ZNF516: variants seen among roughly 807,000 people sequenced by gnomAD.
ZNF516 encodes the protein zinc finger protein 516.
A neutral mutation model predicts 79.7 loss-of-function variants in ZNF516; 19 were observed. That is an observed-to-expected ratio of 0.24 (90% CI 0.17 to 0.35). ZNF516 has a LOEUF of 0.35. Ranked by LOEUF, ZNF516 falls within the 10% of genes least tolerant of loss-of-function variation. The probability of loss-of-function intolerance (pLI) is 1.00; values close to 1 mark genes in which losing one functional copy is unlikely to be tolerated. For synonymous variants in ZNF516, 877 were observed against 739.5 expected (o/e 1.19, Z -3.02); for missense variants, 1,678 against 1,679.5 (o/e 1.00, Z 0.02).
chr18:76,377,315 C>A (rs1240075612), intron 4 of ZNF516, among the ~76,000 whole-genome samples: 1 of 152,390 alleles, frequency 6.6e-6, no homozygotes, highest in African/African-American at 2.4e-5. Flanking sequence ...ACGGCCTCAT[C>A]CTAAAAAGTT....
intron 3 of ZNF516, among the ~76,000 whole-genome samples, chr18:76,398,872 C>T (rs1964172281): frequency 6.6e-6 from 1 of 152,058 alleles, no homozygotes; most frequent in African/African-American, 2.4e-5. Context: ...ACACAGAATC[C>T]AAATTCCGTG....
At chr18:76,409,234 T>C (rs1162892501) in intron 3 of ZNF516, among the ~76,000 whole-genome samples, 6 of 152,256 alleles carry the variant, frequency 3.9e-5, no homozygotes, top group Non-Finnish European at 8.8e-5. Context: ...GTTTTGTACA[T>C]TTATAGAAAC....
Position 76,442,689 on chromosome 18 carries a change from C to A in ZNF516, c.366G>T (p.Ser122=), listed in dbSNP as rs28670651. 3.1e-3 allele frequency: 4,877 copies of A among 1,583,506 alleles called. 135 individuals carry two copies. In the African/African-American group the frequency reaches 0.059, roughly 19 times the overall value. The change falls in exon 3 of 7, where the codon TCG becomes TCT. Residue 122 remains serine (S), a synonymous_variant. Coordinates refer to ENST00000443185, the MANE Select transcript of ZNF516 (RefSeq NM_014643.4). ...CCCCGTTCAGCAGCCGGTTGCAGGC[C>A]GAGGCGCTCTTGGTGGGGCTGGCGC... ...DACASPTKSA[S]ACNRLLNGAS...
chr18:76,386,475 G>A (rs2145100063), intron 3 of ZNF516: 1 of 152,334 alleles, frequency 6.6e-6, no homozygotes, highest in South Asian at 2.1e-4. Flanking sequence ...GGAGGAAATG[G>A]CACTACTTTT....
At chr18:76,492,671 G>C in intron 1 of ZNF516, 1 of 969,250 alleles carries the variant, frequency 1.0e-6, no homozygotes, top group Non-Finnish European at 1.2e-6. Flanking sequence ...GCGTGCCCAG[G>C]CACCAAGGCC....
intron 4 of ZNF516, among the ~76,000 whole-genome samples, chr18:76,372,342 C>G (rs1489003091): frequency 6.6e-6 from 1 of 152,236 alleles, no homozygotes; most frequent in Non-Finnish European, 1.5e-5. Context: ...GAAGAAAAGG[C>G]TTGATTTCCA....
chr18:76,437,112 A>C (rs2075752434), intron 3 of ZNF516, among the ~76,000 whole-genome samples: 1 of 147,014 alleles, frequency 6.8e-6, no homozygotes, highest in African/African-American at 2.5e-5. Context: ...ACCGTCTCTC[A>C]CCCTCCCTAA....
chr18:76,442,696 C>T lies in ZNF516; in HGVS notation c.359G>A (p.Ser120Asn), dbSNP rs1911777385. The T allele has an allele frequency of 1.3e-6, 2 of 1,583,936 alleles. No individual in the cohort carries two copies. The highest frequency in any genetic ancestry group is 1.3e-5 in the African/African-American group (1 of 74,244). The stretch of plus-strand genomic sequence containing the variant: ...CAGCAGCCGGTTGCAGGCCGAGGCG[C>T]TCTTGGTGGGGCTGGCGCAGGCGTC... ...GLDACASPTK[S>N]ASACNRLLNG... The change falls in exon 3 of 7, where the codon AGC (serine) becomes AAC (asparagine). Residue 120 changes from serine (S) to asparagine (N), a missense_variant. Ser to Asn is a conservative substitution (Grantham distance 46). Transcript: ENST00000443185.
intron 1 of ZNF516, among the ~76,000 whole-genome samples, chr18:76,480,010 AG>A (rs1318991801): frequency 1.3e-5 from 2 of 152,190 alleles, no homozygotes; most frequent in African/African-American, 4.8e-5. Context: ...ACCTGCCTGG[AG>A]ATTTCTAACT....
At position 76,406,811 on chromosome 18, in the gene ZNF516, G is replaced by A. The variant is rs369946458; in HGVS notation, c.1811-26508C>T. On this transcript the variant is annotated intron_variant, in intron 3 of 6. Transcript: ENST00000443185. ...GAAGTCCCCACAGAATCCACTGACG[G>A]CCCAGGAGTGCAGAGTCTTATCCTT... 1.6e-4 allele frequency among the ~76,000 whole-genome samples: 24 copies of A among 152,244 alleles called. No homozygotes were observed. The East Asian group carries it at 2.5e-3, about 16-fold the overall frequency.
chr18:76,446,593 C>G (rs533734360), intron 2 of ZNF516, among the ~76,000 whole-genome samples: 1 of 152,230 alleles, frequency 6.6e-6, no homozygotes, highest in Admixed American at 6.5e-5. Context: ...AGAGCCTGAA[C>G]CCTGGCCCTC....
At chr18:76,364,021 A>G (rs1296334882) in intron 6 of ZNF516, among the ~76,000 whole-genome samples, 3 of 152,230 alleles carry the variant, frequency 2.0e-5, no homozygotes, top group Non-Finnish European at 2.9e-5. Context: ...ACAGACTTGC[A>G]TTGGGTTAGG....
chr18:76,382,465 G>A (rs2074908878), intron 3 of ZNF516, among the ~76,000 whole-genome samples: 1 of 152,180 alleles, frequency 6.6e-6, no homozygotes, highest in Admixed American at 6.5e-5. Context: ...GTCTGTCAGT[G>A]TAAACAATGC....
chr18:76,376,204 C>A (rs2074784421), intron 4 of ZNF516, among the ~76,000 whole-genome samples: 1 of 152,316 alleles, frequency 6.6e-6, no homozygotes, highest in African/African-American at 2.4e-5. Flanking sequence ...AGGTGCCGAG[C>A]CCCCTCACCG....
rs372482623 is a variant in ZNF516 at position 76,493,719 on chromosome 18, A to G, written c.-272+1425T>C. On this transcript the variant is annotated intron_variant, in intron 1 of 6. Coordinates refer to ENST00000443185, the MANE Select transcript of ZNF516 (RefSeq NM_014643.4). The surrounding 1 kb of genome is among the most constrained non-coding windows in gnomAD (Gnocchi z 5.2). ...TCCCCCTCCAGTTTCTTCCCCTGCA[A>G]TGATTTCAAAGACATTAAATCTTTT... 4 of 152,358 alleles carry G rather than the reference A, an allele frequency of 2.6e-5. No individual in the cohort carries two copies. The South Asian group carries it at 8.3e-4, about 32-fold the overall frequency. The allele number at this position is 152,358 out of a possible 1,614,324, so 9.4% of individuals were successfully genotyped here.
chr18:76,488,424 C>T (rs1488985513), intron 1 of ZNF516, among the ~76,000 whole-genome samples: 4 of 151,766 alleles, frequency 2.6e-5, no homozygotes, highest in African/African-American at 4.8e-5. Context: ...GAGCGGCACA[C>T]GTCCAGCTCC....
At chr18:76,450,040 C>T (rs1236085477) in intron 2 of ZNF516, among the ~76,000 whole-genome samples, 2 of 152,162 alleles carry the variant, frequency 1.3e-5, no homozygotes, top group Non-Finnish European at 2.9e-5. Flanking sequence ...ACTACTGTTA[C>T]TTGTGTTAAG....
chr18:76,365,783 G>A (rs1263800284), intron 6 of ZNF516, among the ~76,000 whole-genome samples: 1 of 152,212 alleles, frequency 6.6e-6, no homozygotes, highest in Non-Finnish European at 1.5e-5. Flanking sequence ...CTGGGCTCCT[G>A]AGGCCCAGGG....
At chr18:76,428,372 AAC>A (rs1673967256) in intron 3 of ZNF516, among the ~76,000 whole-genome samples, 1 of 146,184 alleles carries the variant, frequency 6.8e-6, no homozygotes, top group Non-Finnish European at 1.5e-5. Flanking sequence ...CACCCTAGAC[AAC>A]AGAGTGAGAT....
Sources: gnomAD v4.1 joint callset for allele counts (sites outside exome capture counted in the v4.1 genomes callset) on GRCh38, gnomAD v4.1.1 for gene constraint, Gnocchi (gnomAD v3.1) non-coding constraint, MANE v1.5 for transcripts, NCBI Gene and HGNC (gene_info 2026-07-23, HGNC 2026-07-21) for gene names.